Variants in TENM3 observed in about 807,000 individuals in gnomAD.
The protein encoded by TENM3 is teneurin-3.
Under a neutral mutation model 255.1 loss-of-function variants are expected in TENM3, and 63 were observed. The observed-to-expected ratio is 0.25, with a 90% CI of 0.20 to 0.30. The LOEUF (loss-of-function observed/expected upper bound fraction) is 0.30, where lower values mean the gene tolerates loss of function less well. Among genes scored for constraint, TENM3 ranks in the 10% least tolerant of loss-of-function variants. The pLI is 1.00. For synonymous variants in TENM3, 1,306 were observed against 1,322.3 expected, an observed-to-expected ratio of 0.99 and a Z score of 0.27; for missense variants, 2,929 against 3,461.1, an observed-to-expected ratio of 0.85 and a Z score of 3.86.
intron 5 of TENM3, among the ~76,000 whole-genome samples, chr4:182,642,513 C>T (rs1032595065): frequency 6.6e-6 from 1 of 152,176 alleles, no homozygotes; most frequent in African/African-American, 2.4e-5. Context: ...AATATCCTGG[C>T]AGAAACAAAC....
At chr4:182,351,504 A>T (rs889222646) in intron 3 of TENM3, among the ~76,000 whole-genome samples, 3 of 152,082 alleles carry the variant, frequency 2.0e-5, no homozygotes, top group Non-Finnish European at 4.4e-5. Context: ...CAACTCTTGC[A>T]TGCCTTGTCT....
At chr4:181,888,532 A>ATATATATGTG in the TENM3 span, among the ~76,000 whole-genome samples, 2 of 78,750 alleles carry the variant, frequency 2.5e-5, no homozygotes, top group African/African-American at 9.2e-5. Context: ...ATATACATAT[A>ATATATATGTG]TGTGTATATA....
chr4:181,985,779 G>A, the TENM3 span, among the ~76,000 whole-genome samples: 1 of 152,098 alleles, frequency 6.6e-6, no homozygotes, highest in Admixed American at 6.6e-5. Context: ...ACTCCATCAT[G>A]TATCTGTTTT....
the TENM3 span, among the ~76,000 whole-genome samples, chr4:181,498,347 A>G: frequency 6.6e-6 from 1 of 152,196 alleles, no homozygotes; most frequent in Non-Finnish European, 1.5e-5. Flanking sequence ...TGGTATCAAA[A>G]TCAAGGAGGT....
At chr4:182,368,747 G>A (rs1256220302) in intron 3 of TENM3, among the ~76,000 whole-genome samples, 4 of 152,232 alleles carry the variant, frequency 2.6e-5, no homozygotes, top group Non-Finnish European at 4.4e-5. Context: ...TATTGCCCAC[G>A]TATATACCCA....
chr4:181,632,825 A>G, the TENM3 span, among the ~76,000 whole-genome samples: 3 of 152,222 alleles, frequency 2.0e-5, no homozygotes, highest in Non-Finnish European at 4.4e-5. Context: ...GGCATGAGCC[A>G]CAGTGGGCAC....
At chr4:182,268,657 GCCAAAACCCA>G (rs1219062030) in intron 1 of TENM3, among the ~76,000 whole-genome samples, 2 of 152,036 alleles carry the variant, frequency 1.3e-5, no homozygotes, top group Non-Finnish European at 2.9e-5. Context: ...AAAGGAGCCG[GCCAAAACCCA>G]CCAAAACCAA....
intron 25 of TENM3, among the ~76,000 whole-genome samples, chr4:182,791,924 T>G (rs548540189): frequency 2.4e-4 from 37 of 152,166 alleles, no homozygotes; most frequent in Non-Finnish European, 4.3e-4. Context: ...ATATGCTCTT[T>G]TCTCCTCAAA....
chr4:181,752,908 C>T, the TENM3 span, among the ~76,000 whole-genome samples: 2 of 151,944 alleles, frequency 1.3e-5, no homozygotes, highest in African/African-American at 4.8e-5. Context: ...GAGACTTATC[C>T]CATGTGCTGG....
At chr4:182,320,108 G>A (rs2726786) in intron 1 of TENM3, among the ~76,000 whole-genome samples, 25,325 of 67,594 alleles carry the variant, frequency 0.37, 2,361 homozygotes, top group Middle Eastern at 0.45. Context: ...GTGAAACTCC[G>A]TCTAAAAAAA....
intron 3 of TENM3, among the ~76,000 whole-genome samples, chr4:182,370,589 C>T (rs1329399080): frequency 6.6e-6 from 1 of 152,162 alleles, no homozygotes; most frequent in Non-Finnish European, 1.5e-5. Flanking sequence ...TCAAAGAGAA[C>T]AACGTGGTGT....
the TENM3 span, among the ~76,000 whole-genome samples, chr4:181,532,671 A>C: frequency 6.6e-6 from 1 of 152,214 alleles, no homozygotes. Context: ...ATTAGAAATC[A>C]GTCCTGTTAA....
the TENM3 span, among the ~76,000 whole-genome samples, chr4:181,784,056 C>A: frequency 1.3e-5 from 2 of 152,088 alleles, no homozygotes; most frequent in East Asian, 1.9e-4. Context: ...ATTTACTTTT[C>A]TTATTCTATT....
the TENM3 span, among the ~76,000 whole-genome samples, chr4:181,987,055 C>G: frequency 1.3e-5 from 2 of 152,054 alleles, no homozygotes; most frequent in African/African-American, 4.8e-5. Flanking sequence ...AACAGAATTT[C>G]AAAACCAACC....
chr4:182,024,517 A>T, the TENM3 span, among the ~76,000 whole-genome samples: 528 of 152,306 alleles, frequency 3.5e-3, 1 homozygote, highest in African/African-American at 0.012. Flanking sequence ...GTCTTCTTTC[A>T]AAAACAAGGT....
chr4:181,780,709 C>T, the TENM3 span, among the ~76,000 whole-genome samples: 2 of 152,170 alleles, frequency 1.3e-5, no homozygotes, highest in African/African-American at 4.8e-5. Context: ...GAAGTCCTTG[C>T]ACATGCCTAT....
chr4:181,962,012 G>A, the TENM3 span, among the ~76,000 whole-genome samples: 2 of 152,160 alleles, frequency 1.3e-5, no homozygotes, highest in East Asian at 3.8e-4. Flanking sequence ...AAGGAGGCAA[G>A]GAAGAAAGGA....
chr4:181,596,332 G>A, the TENM3 span, among the ~76,000 whole-genome samples: 3 of 152,124 alleles, frequency 2.0e-5, no homozygotes, highest in Non-Finnish European at 2.9e-5. Context: ...AAGCTTGCAC[G>A]GTTTGTTTGT....
intron 1 of TENM3, among the ~76,000 whole-genome samples, chr4:182,168,499 T>C (rs2149681716): frequency 6.6e-6 from 1 of 152,320 alleles, no homozygotes; most frequent in Non-Finnish European, 1.5e-5. Flanking sequence ...GACTTATTTC[T>C]TTTTCACCCA....
Sources: gnomAD v4.1 joint callset for allele counts (sites outside exome capture counted in the v4.1 genomes callset) on GRCh38, gnomAD v4.1.1 for gene constraint, MANE v1.5 for transcripts, NCBI Gene and HGNC (gene_info 2026-07-23, HGNC 2026-07-21) for gene names.